Variants in PLEKHA7 observed in about 807,000 individuals in gnomAD.
PLEKHA7 encodes pleckstrin homology domain-containing family A member 7.
PLEKHA7 carries 104 observed loss-of-function variants against 170.0 expected under a neutral mutation model. That is an observed-to-expected ratio of 0.61 (90% CI 0.52 to 0.72). PLEKHA7 has a LOEUF of 0.72. PLEKHA7 is among the 30% of genes least tolerant of loss of function. PLEKHA7 has a pLI of 0.00. For missense variants in PLEKHA7, 1,615 were observed against 1,671.7 expected (o/e 0.97, Z 0.59); for synonymous variants, 648 against 660.8 (o/e 0.98, Z 0.30).
intron 9 of PLEKHA7, among the ~76,000 whole-genome samples, chr11:16,832,170 C>G (rs4545534): frequency 1.2e-3 from 187 of 152,310 alleles, no homozygotes; most frequent in African/African-American, 4.4e-3. Context: ...AAGCCCACGT[C>G]CCTGATTGCA....
chr11:16,894,280 G>T (rs138080394), intron 3 of PLEKHA7, among the ~76,000 whole-genome samples: 5 of 152,092 alleles, frequency 3.3e-5, no homozygotes, highest in Non-Finnish European at 7.4e-5. Context: ...GGATGATTTC[G>T]GAAATTCTCC....
intron 13 of PLEKHA7, among the ~76,000 whole-genome samples, chr11:16,809,523 G>A (rs1445691071): frequency 6.6e-6 from 1 of 152,208 alleles, no homozygotes; most frequent in Non-Finnish European, 1.5e-5. Flanking sequence ...GAGGGGCTGT[G>A]CTTATCTCCA....
At position 16,794,976 on chromosome 11, in the gene PLEKHA7, C is replaced by T; in HGVS notation, c.2452G>A (p.Val818Ile). The T allele has an allele frequency of 6.2e-7, 1 of 1,614,072 alleles. No individual in the cohort carries two copies. ...TTATTTGCACTCAGGCCTGCAGTGA[C>T]ATCTTCAATTCTCCATAGATCTTTC... ...IQKDLWRIEDVTAGLSANKEN... is the reference protein window; with the variant it reads ...IQKDLWRIEDITAGLSANKEN... The change falls in exon 18 of 27, where the codon GTC (valine) becomes ATC (isoleucine). Residue 818 changes from valine (V) to isoleucine (I), a missense_variant. Val to Ile is a conservative substitution (Grantham distance 29). Transcript: ENST00000531066.
At chr11:17,008,185 A>C (rs1865127671) in intron 3 of PLEKHA7, among the ~76,000 whole-genome samples, 1 of 152,154 alleles carries the variant, frequency 6.6e-6, no homozygotes, top group South Asian at 2.1e-4. Context: ...GTGGCTCCAC[A>C]CAACCCCAAA....
intron 3 of PLEKHA7, among the ~76,000 whole-genome samples, chr11:16,885,283 T>C (rs1855997356): frequency 6.7e-6 from 1 of 149,116 alleles, no homozygotes; most frequent in South Asian, 2.1e-4. Flanking sequence ...CGAGCCAAGA[T>C]CAAGCCACTG....
chr11:16,947,934 AAAAAAAAG>A (rs1162052290), intron 3 of PLEKHA7, among the ~76,000 whole-genome samples: 257 of 151,010 alleles, frequency 1.7e-3, no homozygotes, highest in African/African-American at 5.2e-3. Flanking sequence ...AAAAAAAAAG[AAAAAAAAG>A]AAAAAAAGAA....
In PLEKHA7 at chr11:16,855,215, GAAA is replaced by G. The variant is rs534483274; in HGVS notation, c.418-225_418-223del. ...TGGCAAACCTCCCAGCTGGGTCACT[GAAA>G]AAAAAAATTAAAAGGAATTTTTCAA... On this transcript the variant is annotated intron_variant, in intron 5 of 26. Coordinates refer to ENST00000531066, the MANE Select transcript of PLEKHA7 (RefSeq NM_001329630.2). Among the ~76,000 whole-genome samples, 341 of 150,082 alleles carry G rather than the reference GAAA, an allele frequency of 2.3e-3. 1 individual carries two copies. Among genetic ancestry groups the G allele is most frequent in the African/African-American group, 8.0e-3 (328 of 40,952 alleles).
chr11:16,833,245 A>T (rs1038914981), intron 9 of PLEKHA7, among the ~76,000 whole-genome samples: 4 of 152,152 alleles, frequency 2.6e-5, no homozygotes, highest in African/African-American at 9.7e-5. Context: ...CCTCCCACAG[A>T]GAAGAGCGAG....
At chr11:16,907,516 GA>G (rs1857895831) in intron 3 of PLEKHA7, among the ~76,000 whole-genome samples, 1 of 115,624 alleles carries the variant, frequency 8.6e-6, no homozygotes. Context: ...GGGAGGCGGG[GA>G]GGTCAGCCCC....
intron 3 of PLEKHA7, among the ~76,000 whole-genome samples, chr11:17,001,526 G>T (rs947550436): frequency 2.0e-5 from 3 of 152,082 alleles, no homozygotes; most frequent in African/African-American, 7.2e-5. Flanking sequence ...GCCTCACCCA[G>T]CGGGAGAGAA....
chr11:16,832,459 CTT>C (rs1395535724), intron 9 of PLEKHA7, among the ~76,000 whole-genome samples: 6 of 152,180 alleles, frequency 3.9e-5, no homozygotes, highest in Non-Finnish European at 8.8e-5. Context: ...ATACTTCTCT[CTT>C]ATTTCTTTTC....
At chr11:16,781,837 G>A (rs1849041679) in intron 26 of PLEKHA7, among the ~76,000 whole-genome samples, 1 of 152,140 alleles carries the variant, frequency 6.6e-6, no homozygotes, top group African/African-American at 2.4e-5. Context: ...TTTGGCCAGG[G>A]TTGGAGAATT....
At chr11:16,834,339 A>T (rs1263702571) in intron 9 of PLEKHA7, among the ~76,000 whole-genome samples, 1 of 152,198 alleles carries the variant, frequency 6.6e-6, no homozygotes, top group Non-Finnish European at 1.5e-5. Context: ...TAAAAGACTA[A>T]ATGGATGAAT....
At chr11:16,802,444 T>C (rs1848657676) in intron 15 of PLEKHA7, among the ~76,000 whole-genome samples, 1 of 152,100 alleles carries the variant, frequency 6.6e-6, no homozygotes, top group Non-Finnish European at 1.5e-5. Flanking sequence ...TCTCCCAGGC[T>C]CACCTCACAG....
At chr11:16,864,065 G>T (rs573082574) in intron 4 of PLEKHA7, among the ~76,000 whole-genome samples, 1 of 152,312 alleles carries the variant, frequency 6.6e-6, no homozygotes, top group Admixed American at 6.5e-5. Context: ...TCAGCGCACT[G>T]AGTATGGACA....
intron 7 of PLEKHA7, 54 bp from the exon 8 acceptor site, chr11:16,851,345 A>C (rs1852937670): frequency 2.9e-6 from 4 of 1,386,958 alleles, no homozygotes; most frequent in African/African-American, 2.9e-5. Flanking sequence ...CCCTGGGCTC[A>C]TCTGTCCCAC....
At chr11:16,977,309 GGCTCCCACTTCTCAACTTCAAGA>G (rs149275952) in intron 3 of PLEKHA7, among the ~76,000 whole-genome samples, 69 of 152,102 alleles carry the variant, frequency 4.5e-4, no homozygotes, top group African/African-American at 1.4e-3. Flanking sequence ...TTTCCAAACA[GGCTCCCACTTCTCAACTTCAAGA>G]GCCCCCACTT....
chr11:16,807,103 T>C, intron 13 of PLEKHA7: 2 of 938,404 alleles, frequency 2.1e-6, no homozygotes, highest in South Asian at 4.9e-5. Context: ...CCAGAAGCAA[T>C]GGAATGACCC....
chr11:16,848,549 T>C (rs2059754611), intron 8 of PLEKHA7, among the ~76,000 whole-genome samples: 1 of 152,278 alleles, frequency 6.6e-6, no homozygotes, highest in African/African-American at 2.4e-5. Flanking sequence ...TGCAGGTGTT[T>C]GTTTACTAAC....
Sources: gnomAD v4.1 joint callset for allele counts (sites outside exome capture counted in the v4.1 genomes callset) on GRCh38, gnomAD v4.1.1 for gene constraint, MANE v1.5 for transcripts, NCBI Gene and HGNC (gene_info 2026-07-23, HGNC 2026-07-21) for gene names.